The following SFTPD variants were observed in gnomAD, a reference collection of about 807,000 sequenced individuals.
SFTPD encodes the protein surfactant protein D.
A neutral mutation model predicts 34.6 loss-of-function variants in SFTPD; 18 were observed. That is an observed-to-expected ratio of 0.52 (90% confidence interval 0.36 to 0.77). The LOEUF (loss-of-function observed/expected upper bound fraction) is 0.77, where lower values mean the gene tolerates loss of function less well. Ranked by LOEUF, SFTPD falls within the 30% of genes least tolerant of loss-of-function variation. The pLI, the probability that SFTPD is intolerant of heterozygous loss-of-function variation, is 0.00. For missense variants in SFTPD, 433 were observed against 468.9 expected (o/e 0.92, Z 0.71); for synonymous variants, 155 against 180.9 (o/e 0.86, Z 1.15).
chr10:79,942,827 A>T lies in SFTPD; in HGVS notation c.252T>A (p.Val84=). 6.2e-7 allele frequency: 1 copy of T among 1,614,154 alleles called. No individual in the cohort carries two copies. Among genetic ancestry groups the T allele is most frequent in the South Asian group, 1.1e-5 (1 of 91,084 alleles). Residue 84 remains valine, a synonymous_variant, in exon 3 of 8, where the codon GTT becomes GTA. Transcript: ENST00000372292. Reference sequence around the variant, plus strand: ...CAGAGCCATTGTCCCCTTTGGGCCCAACTGGGCCAGCTTGTCCAGGCATCC... The same window carrying T: ...CAGAGCCATTGTCCCCTTTGGGCCCTACTGGGCCAGCTTGTCCAGGCATCC... The part of the protein sequence containing the change: ...QAGMPGQAGP[V]GPKGDNGSVG...
chr10:79,982,126 C>T, intron 1 of SFTPD: 5 of 333,592 alleles, frequency 1.5e-5, no homozygotes, highest in Non-Finnish European at 2.6e-5. Context: ...CGCTCCCGCC[C>T]TCCTGGCTCT....
chr10:79,981,884 A>C, intron 1 of SFTPD: 1 of 261,870 alleles, frequency 3.8e-6, no homozygotes, highest in South Asian at 3.5e-5. Flanking sequence ...CGGACACCTG[A>C]GCCGCCTCTT....
rs548597586 is a variant in SFTPD, at chr10:79,975,149, G to A, written c.36+7426C>T. Among the ~76,000 whole-genome samples, 443 of 152,226 alleles carry A rather than the reference G, an allele frequency of 2.9e-3. 3 individuals are homozygous for A. Among genetic ancestry groups the A allele is most frequent in the Non-Finnish European group, 5.5e-3 (374 of 68,024 alleles). On this transcript the variant is annotated intron_variant, in intron 1 of 5. Coordinates refer to the SFTPD transcript ENST00000444384. ...TGCCTGACTAGAACTAAGAGCAGTC[G>A]CTCTAGGTGCTGCTCGAACAGTCAC... is the stretch of plus-strand genomic sequence containing the variant.
intron 1 of SFTPD, among the ~76,000 whole-genome samples, chr10:79,965,359 C>A (rs1842797395): frequency 6.6e-6 from 1 of 151,944 alleles, no homozygotes; most frequent in Non-Finnish European, 1.5e-5. Context: ...CTTCTAACAA[C>A]CCCACAATAT....
chr10:79,977,510 A>C (rs774346421), intron 1 of SFTPD, among the ~76,000 whole-genome samples: 2 of 152,254 alleles, frequency 1.3e-5, no homozygotes, highest in Non-Finnish European at 2.9e-5. Context: ...CACATGCACA[A>C]AGCAACATTG....
intron 1 of SFTPD, among the ~76,000 whole-genome samples, chr10:79,965,570 TTTTTA>T (rs1842799315): frequency 1.1e-5 from 1 of 88,572 alleles, no homozygotes; most frequent in Non-Finnish European, 2.0e-5. Flanking sequence ...TATTTTTTAT[TTTTTA>T]TTTTTAATGT....
intron 2 of SFTPD, among the ~76,000 whole-genome samples, chr10:79,944,789 A>G (rs980109359): frequency 6.6e-6 from 1 of 152,066 alleles, no homozygotes; most frequent in African/African-American, 2.4e-5. Context: ...TTTACCCTCC[A>G]TGATACGTCG....
chr10:79,972,549 A>T (rs1293977354), intron 1 of SFTPD: 1 of 151,520 alleles, frequency 6.6e-6, no homozygotes, highest in Non-Finnish European at 1.5e-5. Context: ...GAGCATTTTG[A>T]CTCAGTCCTG....
chr10:79,965,738 C>T (rs1589341725), intron 1 of SFTPD, among the ~76,000 whole-genome samples: 4 of 72,846 alleles, frequency 5.5e-5, no homozygotes, highest in African/African-American at 2.0e-4. Flanking sequence ...CCCCCTCCCC[C>T]GACCCCACCA....
At chr10:79,938,880 G>A (rs1564762094) in intron 7 of SFTPD, among the ~76,000 whole-genome samples, 1 of 152,198 alleles carries the variant, frequency 6.6e-6, no homozygotes, top group Non-Finnish European at 1.5e-5. Flanking sequence ...CAGTCAGCCT[G>A]CCTGGGAGGT....
At chr10:79,979,849 G>T (rs533903200) in intron 1 of SFTPD, among the ~76,000 whole-genome samples, 1 of 152,156 alleles carries the variant, frequency 6.6e-6, no homozygotes, top group East Asian at 1.9e-4. Context: ...ACTCCTCCCC[G>T]CCAACTCCAG....
chr10:79,964,575 C>A (rs1412402867), intron 1 of SFTPD, among the ~76,000 whole-genome samples: 1 of 152,204 alleles, frequency 6.6e-6, no homozygotes, highest in Admixed American at 6.5e-5. Context: ...CCATTCTATT[C>A]TGTTGTCATT....
chr10:79,957,896 G>A (rs1211451378), intron 1 of SFTPD, among the ~76,000 whole-genome samples: 3 of 152,222 alleles, frequency 2.0e-5, no homozygotes, highest in African/African-American at 7.2e-5. Flanking sequence ...AGGACAGCCA[G>A]AGAGAAAGGT....
In SFTPD at chr10:79,982,249, C is replaced by T. The variant is rs1022257120; in HGVS notation, c.36+326G>A. 3.2e-5 allele frequency: 29 copies of T among 909,598 alleles called. No homozygotes were observed. The African/African-American group carries it at 4.8e-4, about 15-fold the overall frequency. The allele number at this position is 909,598 out of a possible 1,614,324, so 56.3% of individuals were successfully genotyped here. ...GTAGCAACGGAGGAGCCAATGGGAC[C>T]GCGGGCGGCGGCGGGGGCGCTCGGG... On this transcript the variant is annotated intron_variant, in intron 1 of 5. Coordinates refer to the SFTPD transcript ENST00000444384.
chr10:79,975,955 C>G (rs1405590707), intron 1 of SFTPD, among the ~76,000 whole-genome samples: 2 of 152,166 alleles, frequency 1.3e-5, no homozygotes, highest in Non-Finnish European at 2.9e-5. Context: ...TGCCCTCATT[C>G]CAGTAAACCC....
intron 2 of SFTPD, among the ~76,000 whole-genome samples, chr10:79,943,467 C>G (rs1274471359): frequency 6.6e-6 from 1 of 152,072 alleles, no homozygotes; most frequent in East Asian, 1.9e-4. Flanking sequence ...CTGAGCGTCC[C>G]CACCCCAGCA....
At chr10:79,958,179 C>T (rs567673361) in intron 1 of SFTPD, among the ~76,000 whole-genome samples, 3 of 152,298 alleles carry the variant, frequency 2.0e-5, no homozygotes, top group Admixed American at 1.3e-4. Flanking sequence ...ACAACTGGTA[C>T]CAGCCACTGC....
At chr10:79,939,790 T>C (rs567784686) in intron 7 of SFTPD, among the ~76,000 whole-genome samples, 23 of 152,348 alleles carry the variant, frequency 1.5e-4, no homozygotes, top group African/African-American at 5.5e-4. Context: ...TTCAGAAAAC[T>C]TTAATCTTTT....
intron 1 of SFTPD, among the ~76,000 whole-genome samples, chr10:79,960,956 C>A (rs1409634349): frequency 2.6e-5 from 4 of 152,096 alleles, no homozygotes; most frequent in African/African-American, 7.2e-5. Flanking sequence ...AGATATAGAT[C>A]AATGGAACAG....
Sources: allele counts gnomAD v4.1 joint callset (sites outside exome capture counted in the v4.1 genomes callset), GRCh38; gene constraint gnomAD v4.1.1; transcripts MANE v1.5; gene names NCBI Gene and HGNC (gene_info 2026-07-23, HGNC 2026-07-21).